The following ITIH4 variants were observed in gnomAD, a reference collection of about 807,000 sequenced individuals.
The protein encoded by ITIH4 is inter-alpha-trypsin inhibitor heavy chain 4.
A neutral mutation model predicts 111.8 loss-of-function variants in ITIH4; 79 were observed. That is an observed-to-expected ratio of 0.71 (90% CI 0.59 to 0.85). The LOEUF (loss-of-function observed/expected upper bound fraction) is 0.85, where lower values mean the gene tolerates loss of function less well. Among genes scored for constraint, ITIH4 ranks in the 40% least tolerant of loss-of-function variants. The probability of loss-of-function intolerance (pLI) is 0.00; values close to 1 mark genes in which losing one functional copy is unlikely to be tolerated. For synonymous variants in ITIH4, 472 were observed against 468.3 expected (o/e 1.01, Z -0.10); for missense variants, 1,065 against 1,195.8 (o/e 0.89, Z 1.61).
At chr3:52,818,385 C>CAG in intron 18 of ITIH4, 77 bp downstream of exon 18, 1 of 1,574,128 alleles carries the variant, frequency 6.4e-7, no homozygotes, top group Non-Finnish European at 8.7e-7. Context: ...CTCACTACTT[C>CAG]AACATCGAGA....
intron 11 of ITIH4, among the ~76,000 whole-genome samples, chr3:52,822,764 C>G (rs2535641): frequency 0.11 from 16,561 of 152,176 alleles, 2,782 homozygotes; most frequent in African/African-American, 0.35. Context: ...AACGCCCACT[C>G]CTATTCTCTT....
At position 52,819,473 on chromosome 3, in the gene ITIH4, C is replaced by T. The variant is rs763910365; in HGVS notation, c.1997G>A (p.Ser666Asn). Reference protein sequence around the residue: ...SRMNFRPGVLSSRQLGLPGPP... With the variant: ...SRMNFRPGVLNSRQLGLPGPP... ...TCCTGGGAGTCCAAGTTGCCTGGAG[C>T]TGAGAACCCCAGGTCTGAAATTCAT... The change falls in exon 17 of 24, where the codon AGC becomes AAC. Residue 666 changes from serine (S) to asparagine (N), a missense_variant. Ser to Asn is a conservative substitution (Grantham distance 46, BLOSUM62 1). Coordinates refer to ENST00000266041, the MANE Select transcript of ITIH4 (RefSeq NM_002218.5). 1.9e-6 allele frequency: 3 copies of T among 1,614,010 alleles called. No individual in the cohort carries two copies. The highest frequency in any genetic ancestry group is 1.7e-5 in the Admixed American group (1 of 60,002).
chr3:52,824,928 C>T lies in ITIH4; in HGVS notation c.790G>A (p.Ala264Thr). 1 of 1,613,666 alleles carries T rather than the reference C, an allele frequency of 6.2e-7. No individual in the cohort carries two copies. Among genetic ancestry groups the T allele is most frequent in the African/African-American group, 1.3e-5 (1 of 75,032 alleles). The change falls in exon 7 of 24, where the codon GCC (alanine) becomes ACC (threonine). Residue 264 changes from alanine to threonine, a missense_variant. Transcript: ENST00000266041. This position sits in a 1 kb window ranked among gnomAD's most constrained non-coding sequence, Gnocchi z 4.3. ...GGCATTGTGGTTAGGCCCTCGGGGG[C>T]AAAGTAGTGTACAAAGTAGCCGTTC... ...IENGYFVHYF[A>T]PEGLTTMPKN...
intron 23 of ITIH4, 105 bp downstream of exon 23, chr3:52,813,870 G>A: frequency 1.1e-6 from 1 of 875,364 alleles, no homozygotes; most frequent in Non-Finnish European, 1.9e-6. Flanking sequence ...ACTGTGTCTA[G>A]TTCCTGGGCA....
chr3:52,827,296 T>C, intron 2 of ITIH4, 99 bp from the exon 3 acceptor site: 1 of 894,936 alleles, frequency 1.1e-6, no homozygotes, highest in Non-Finnish European at 1.9e-6. Flanking sequence ...GTGTGCCTCT[T>C]GACACAGTGA....
At position 52,814,241 on chromosome 3, in the gene ITIH4, T is replaced by A; in HGVS notation, c.2594A>T (p.Asp865Val). The A allele has an allele frequency of 6.2e-7, 1 of 1,613,384 alleles. No homozygotes were observed. The highest frequency in any genetic ancestry group is 1.7e-5 in the Admixed American group (1 of 59,974). Residue 865 changes from aspartate to valine, a missense_variant, in exon 22 of 24, where the codon GAC (aspartate) becomes GTC (valine). By Grantham distance (152) the Asp-to-Val change is radical. Transcript: ENST00000266041. ...EGLRLLLRDTDRFSSHVGGTL... is the reference protein window; with the variant it reads ...EGLRLLLRDTVRFSSHVGGTL... The stretch of plus-strand genomic sequence containing the variant: ...CCCTCCAACGTGGCTGGAGAAGCGG[T>A]CAGTGTCACGCAGAAGGAGCCGGAG...
chr3:52,825,104 T>C (rs1220697392), intron 6 of ITIH4, 146 bp from the exon 7 acceptor site: 6 of 510,520 alleles, frequency 1.2e-5, no homozygotes, highest in Non-Finnish European at 1.4e-5. Flanking sequence ...AACCTTGCCC[T>C]TTTTCAGGGC....
chr3:52,817,924 G>C (rs1221273975), intron 20 of ITIH4, 128 bp downstream of exon 20: 34 of 772,678 alleles, frequency 4.4e-5, no homozygotes, highest in Middle Eastern at 3.7e-4. Flanking sequence ...GCACTGGGAG[G>C]CAGGACCATG....
At position 52,826,533 on chromosome 3, in the gene ITIH4, A is replaced by T. The variant is rs561775728; in HGVS notation, c.630+8T>A. The stretch of plus-strand genomic sequence containing the variant: ...GGTACCCTCACCTGCTGACCACAAC[A>T]GGCCCACCTTGGTCTTATTCTGCCA... On this transcript the variant is annotated splice_region_variant and intron_variant, in intron 5 of 23. Coordinates refer to ENST00000266041, the MANE Select transcript of ITIH4 (RefSeq NM_002218.5). The T allele has an allele frequency of 8.8e-5, 141 of 1,606,330 alleles. 5 individuals carry two copies. In the South Asian group the frequency reaches 1.5e-3, roughly 17 times the overall value.
At chr3:52,820,447 G>T in intron 13 of ITIH4, 130 bp from the exon 14 acceptor site, 2 of 1,196,898 alleles carry the variant, frequency 1.7e-6, no homozygotes, top group Non-Finnish European at 2.4e-6. Flanking sequence ...TATCGTAGGT[G>T]CAATGAATTT....
chr3:52,828,115 C>T (rs1178863190), intron 2 of ITIH4, among the ~76,000 whole-genome samples: 2 of 152,166 alleles, frequency 1.3e-5, no homozygotes, highest in African/African-American at 2.4e-5. Flanking sequence ...AGCTGGGGCT[C>T]CTGGCCAGGT....
rs1130868 is a variant in ITIH4 at position 52,827,108 on chromosome 3, C to T, written c.341G>A (p.Ser114Asn). Reference sequence around the variant, plus strand: ...ACCAGCTCACTTGACGAGGCCAGCGCTCTTTCCCTTGGCCACTGCTGCGCT... The same window carrying T: ...ACCAGCTCACTTGACGAGGCCAGCGTTCTTTCCCTTGGCCACTGCTGCGCT... ...QYSAAVAKGK[S>N]AGLVKATGRN... is the part of the protein sequence containing the mutation. Residue 114 changes from serine to asparagine, a missense_variant, in exon 3 of 24, where the codon AGC (serine) becomes AAC (asparagine). By Grantham distance (46) the Ser-to-Asn change is conservative (BLOSUM62 1). Coordinates refer to ENST00000266041, the MANE Select transcript of ITIH4 (RefSeq NM_002218.5). 4.3e-6 allele frequency: 7 copies of T among 1,614,158 alleles called. No homozygotes were observed. The South Asian group carries it at 7.7e-5, about 18-fold the overall frequency.
rs1332432261 is a variant in ITIH4, at chr3:52,819,744, C to T, written c.1951+10G>A. On this transcript the variant is annotated intron_variant, in intron 16 of 23. Transcript: ENST00000266041. ...GTCATGCCTCCCCCTGGCAGAAACC[C>T]TCAAACTACCTTGTCTATTCCATCC... is the stretch of plus-strand genomic sequence containing the variant. 5.0e-6 allele frequency: 8 copies of T among 1,613,948 alleles called. No homozygotes were observed. In the African/African-American group the frequency reaches 5.3e-5, roughly 11 times the overall value.
rs556134855 is a variant in ITIH4, at chr3:52,820,773, G to A, written c.1692C>T (p.Ser564=). 3.7e-5 allele frequency: 60 copies of A among 1,611,994 alleles called. No homozygotes were observed. The highest frequency in any genetic ancestry group is 1.5e-4 in the Admixed American group (9 of 59,692). ...TCCGGAGGGCCTGCTGATCAGCATC[G>A]GATGCGGAGACACTGTAGGTGGAGC... ...QQLLEQTVSA[S]DADQQALRNQ... Residue 564 remains serine, a synonymous_variant, in exon 13 of 24, where the codon TCC becomes TCT. Coordinates refer to ENST00000266041, the MANE Select transcript of ITIH4 (RefSeq NM_002218.5).
rs1046815902 is a variant in ITIH4 at position 52,818,085 on chromosome 3, C to A, written c.2263G>T (p.Gly755Trp). The change falls in exon 20 of 24, where the codon GGG becomes TGG. Residue 755 changes from glycine to tryptophan, a missense_variant. Transcript: ENST00000266041. ...GGGTCTGAGAGCAGGTTCACTGGCCCCTGGCGGTGTCTGGGGTCCACACAG... is the reference window on the plus strand; with the variant it reads ...GGGTCTGAGAGCAGGTTCACTGGCCACTGGCGGTGTCTGGGGTCCACACAG... ...RLCVDPRHRQGPVNLLSDPEQ... is the reference protein window; with the variant it reads ...RLCVDPRHRQWPVNLLSDPEQ... The A allele has an allele frequency of 6.2e-7, 1 of 1,613,742 alleles. No individual in the cohort carries two copies. The highest frequency in any genetic ancestry group is 8.5e-7 in the Non-Finnish European group (1 of 1,180,000).
intron 17 of ITIH4, chr3:52,819,103 A>G: frequency 4.9e-6 from 2 of 404,788 alleles, no homozygotes; most frequent in East Asian, 5.4e-5. Flanking sequence ...GGGGCAGCTA[A>G]AGGACCCGGG....
In ITIH4 at chr3:52,827,173, T is replaced by C. The variant is rs764019705; in HGVS notation, c.276A>G (p.Pro92=). The C allele has an allele frequency of 6.2e-7, 1 of 1,614,114 alleles. No homozygotes were observed. Among genetic ancestry groups the C allele is most frequent in the Middle Eastern group, 1.7e-4 (1 of 6,054 alleles). ...CTTCAGCCTTCTCCTTGATGATCCC[T>C]GGGTAGGTCATGCCATCGATGATCC... ...FSMIIDGMTY[P]GIIKEKAEAQ... is the part of the protein sequence containing the mutation. The change falls in exon 3 of 24, where the codon CCA becomes CCG. Residue 92 remains proline, a synonymous_variant. Coordinates refer to ENST00000266041, the MANE Select transcript of ITIH4 (RefSeq NM_002218.5).
intron 2 of ITIH4, 94 bp from the exon 3 acceptor site, chr3:52,827,291 C>T: frequency 2.1e-6 from 2 of 959,466 alleles, no homozygotes; most frequent in Non-Finnish European, 3.4e-6. Context: ...ACTCGGTGTG[C>T]CTCTTGACAC....
At chr3:52,813,547 G>A (rs948857262) in intron 23 of ITIH4, 57 bp from the exon 24 acceptor site, 50 of 1,463,242 alleles carry the variant, frequency 3.4e-5, no homozygotes, top group Middle Eastern at 1.7e-4. Flanking sequence ...GGTGTGGTGC[G>A]AAAAGAGGGA....
Sources: gnomAD v4.1 joint callset for allele counts (sites outside exome capture counted in the v4.1 genomes callset) on GRCh38, gnomAD v4.1.1 for gene constraint, Gnocchi (gnomAD v3.1) non-coding constraint, MANE v1.5 for transcripts, NCBI Gene and HGNC (gene_info 2026-07-23, HGNC 2026-07-21) for gene names.